IGF1: variants seen among roughly 807,000 people sequenced by gnomAD.
IGF1 encodes insulin-like growth factor 1.
Under a neutral mutation model 13.8 loss-of-function variants are expected in IGF1, and 4 were observed. The ratio of observed to expected loss-of-function variants is 0.29; its 90% CI spans 0.14 to 0.66. IGF1 has a LOEUF of 0.66. Ranked by LOEUF, IGF1 falls within the 30% of genes least tolerant of loss-of-function variation. The probability of loss-of-function intolerance (pLI) is 0.78; values close to 1 mark genes in which losing one functional copy is unlikely to be tolerated. For missense variants in IGF1, 124 were observed against 188.5 expected, an observed-to-expected ratio of 0.66 and a Z score of 2.00; for synonymous variants, 76 against 72.6, an observed-to-expected ratio of 1.05 and a Z score of -0.23.
intron 2 of IGF1, among the ~76,000 whole-genome samples, chr12:102,470,437 T>C (rs1482156215): frequency 6.6e-6 from 1 of 152,206 alleles, no homozygotes; most frequent in Non-Finnish European, 1.5e-5. Context: ...TTCTTAGTGG[T>C]CCTATGGTTG....
chr12:102,477,465 T>A (rs9282710), intron 1 of IGF1, among the ~76,000 whole-genome samples: 85 of 151,510 alleles, frequency 5.6e-4, no homozygotes, highest in Non-Finnish European at 9.6e-4. Context: ...GATCTCCGCA[T>A]GGAAATCTTC....
chr12:102,434,428 C>T (rs1732886191), intron 2 of IGF1, among the ~76,000 whole-genome samples: 1 of 151,080 alleles, frequency 6.6e-6, no homozygotes, highest in African/African-American at 2.4e-5. Flanking sequence ...CGATAGTTTA[C>T]TGAGAATGAT....
At chr12:102,436,693 A>C (rs1877253330) in intron 2 of IGF1, among the ~76,000 whole-genome samples, 2 of 149,006 alleles carry the variant, frequency 1.3e-5, no homozygotes, top group Admixed American at 1.3e-4. Context: ...TTAATTTTGC[A>C]AAAAAAAAAT....
intron 2 of IGF1, among the ~76,000 whole-genome samples, chr12:102,449,225 G>T (rs895228422): frequency 6.6e-6 from 1 of 152,078 alleles, no homozygotes; most frequent in Non-Finnish European, 1.5e-5. Context: ...GCCATGAAAA[G>T]GGATGAATTC....
At chr12:102,403,489 C>G (rs1592731251) in intron 3 of IGF1, among the ~76,000 whole-genome samples, 1 of 151,246 alleles carries the variant, frequency 6.6e-6, no homozygotes, top group East Asian at 1.9e-4. Flanking sequence ...CAGGGTCTCA[C>G]TCTGTTGCCC....
At chr12:102,462,549 C>T in intron 2 of IGF1, among the ~76,000 whole-genome samples, 1 of 152,168 alleles carries the variant, frequency 6.6e-6, no homozygotes, top group East Asian at 1.9e-4. Context: ...ATGCAAAGCA[C>T]CGATAATCTA....
chr12:102,404,969 G>A (rs1043039566), intron 3 of IGF1, among the ~76,000 whole-genome samples: 3 of 152,068 alleles, frequency 2.0e-5, no homozygotes, highest in Non-Finnish European at 2.9e-5. Flanking sequence ...ATATTGGCCA[G>A]GTTGGTCTCG....
At position 102,398,469 on chromosome 12, in the gene IGF1, C is replaced by A. The variant is rs1873406083; in HGVS notation, c.*4038G>T. ...AAGGAACTTACTTATCTTTTAAATT[C>A]TTCTATTTGCCTATAAGATCTTTTT... On this transcript the variant is annotated 3_prime_UTR_variant, in exon 4 of 4. Coordinates refer to ENST00000337514, the MANE Select transcript of IGF1 (RefSeq NM_000618.5). 1.3e-5 allele frequency: 2 copies of A among 152,124 alleles called. No homozygotes were observed. The highest frequency in any genetic ancestry group is 4.8e-5 in the African/African-American group (2 of 41,428). 9.4% of individuals were successfully genotyped at this position (152,124 alleles called of 1,614,324 possible).
At chr12:102,468,032 A>C (rs17032623) in intron 2 of IGF1, among the ~76,000 whole-genome samples, 5,079 of 152,322 alleles carry the variant, frequency 0.033, 314 homozygotes, top group East Asian at 0.28. Context: ...AGTTTGTAGC[A>C]ATCTTCAATT....
At chr12:102,412,841 C>T (rs189823139) in intron 3 of IGF1, among the ~76,000 whole-genome samples, 37 of 152,184 alleles carry the variant, frequency 2.4e-4, no homozygotes, top group East Asian at 9.7e-4. Flanking sequence ...TTTAAACATA[C>T]GTTTATATTT....
intron 3 of IGF1, 97 bp from the exon 4 acceptor site, chr12:102,402,663 T>C (rs1230323989): frequency 1.3e-6 from 1 of 764,678 alleles, no homozygotes; most frequent in African/African-American, 1.7e-5. Context: ...TCTTACGCCT[T>C]ACCAGTTGAG....
At chr12:102,415,592 T>TTCCC (rs1264565007) in intron 3 of IGF1, 22 of 147,590 alleles carry the variant, frequency 1.5e-4, no homozygotes, top group African/African-American at 5.3e-4. Context: ...CCTTCCTTCC[T>TTCCC]TCCTTCCCTC....
At chr12:102,430,803 G>A (rs1205825513) in intron 2 of IGF1, among the ~76,000 whole-genome samples, 1 of 152,170 alleles carries the variant, frequency 6.6e-6, no homozygotes, top group Non-Finnish European at 1.5e-5. Context: ...TTCTCATCGA[G>A]CCAGTGCTCC....
chr12:102,477,005 G>T (rs773630133), intron 1 of IGF1, among the ~76,000 whole-genome samples: 4 of 152,202 alleles, frequency 2.6e-5, no homozygotes, highest in Non-Finnish European at 5.9e-5. Context: ...GTCCCTGACA[G>T]GGTGTTAGGT....
chr12:102,477,958 TAAG>T (rs1338092800), intron 1 of IGF1, among the ~76,000 whole-genome samples: 2 of 151,822 alleles, frequency 1.3e-5, no homozygotes, highest in East Asian at 3.9e-4. Context: ...CTCTGGAACT[TAAG>T]AATTTAAGAT....
chr12:102,402,372 A>G lies in IGF1; in HGVS notation c.*135T>C. 1 of 767,340 alleles carries G rather than the reference A, an allele frequency of 1.3e-6. No homozygotes were observed. Among genetic ancestry groups the G allele is most frequent in the South Asian group, 1.4e-5 (1 of 72,832 alleles). 47.5% of individuals were successfully genotyped at this position (767,340 alleles called of 1,614,324 possible). On this transcript the variant is annotated 3_prime_UTR_variant, in exon 4 of 4. Transcript: ENST00000337514. ...GTTGGAATGTTTACTTGTGTATTTC[A>G]TTGGGGGAAACGCCCATCTTTTAAA...
intron 2 of IGF1, among the ~76,000 whole-genome samples, chr12:102,458,208 GTTCT>G (rs568294079): frequency 6.0e-4 from 92 of 152,230 alleles, no homozygotes; most frequent in African/African-American, 2.2e-3. Flanking sequence ...AGCATACGGA[GTTCT>G]TTCTGTTTCA....
At chr12:102,431,564 G>T (rs1592769521) in intron 2 of IGF1, among the ~76,000 whole-genome samples, 2 of 152,044 alleles carry the variant, frequency 1.3e-5, no homozygotes, top group Admixed American at 1.3e-4. Flanking sequence ...GCTTAGCAAG[G>T]TTAAGTACCT....
chr12:102,436,061 T>G (rs1238290012), intron 2 of IGF1, among the ~76,000 whole-genome samples: 2 of 152,252 alleles, frequency 1.3e-5, no homozygotes. Context: ...TTGTGATAAT[T>G]GCCTAATAAA....
Sources: allele counts gnomAD v4.1 joint callset (sites outside exome capture counted in the v4.1 genomes callset), GRCh38; gene constraint gnomAD v4.1.1; transcripts MANE v1.5; gene names NCBI Gene and HGNC (gene_info 2026-07-23, HGNC 2026-07-21).